CTNS: variants seen among roughly 807,000 people sequenced by gnomAD.
CTNS encodes cystinosin, lysosomal cystine transporter.
Under a neutral mutation model 43.7 loss-of-function variants are expected in CTNS, and 27 were observed. The observed-to-expected ratio is 0.62, with a 90% confidence interval of 0.46 to 0.85. The LOEUF (loss-of-function observed/expected upper bound fraction) is 0.85. Ranked by LOEUF, CTNS falls within the 40% of genes least tolerant of loss-of-function variation. The pLI is 0.00. For synonymous variants in CTNS, 187 were observed against 190.6 expected, an observed-to-expected ratio of 0.98 and a Z score of 0.16; for missense variants, 457 against 475.4, an observed-to-expected ratio of 0.96 and a Z score of 0.36.
chr17:3,648,237 G>A (rs908985685), intron 4 of CTNS, among the ~76,000 whole-genome samples: 3 of 152,054 alleles, frequency 2.0e-5, no homozygotes, highest in African/African-American at 4.8e-5. Context: ...CTGCCATTCC[G>A]CTCCCAGCTC....
chr17:3,656,805 G>A lies in CTNS; in HGVS notation c.681+10G>A. ...GTGCTGCCTGTATGAGGTGAGACCA[G>A]CCCTGGCCCCCCACAGGCCACCCCA... On this transcript the variant is annotated intron_variant, in intron 9 of 11. Transcript: ENST00000046640. The A allele has an allele frequency of 6.2e-7, 1 of 1,612,796 alleles. No homozygotes were observed.
At chr17:3,654,618 T>C (rs2076077707) in intron 5 of CTNS, among the ~76,000 whole-genome samples, 1 of 149,800 alleles carries the variant, frequency 6.7e-6, no homozygotes, top group East Asian at 2.0e-4. Flanking sequence ...GAGGCAGAGG[T>C]TGCAGTGAGC....
chr17:3,642,683 A>G (rs1379873404), intron 3 of CTNS, among the ~76,000 whole-genome samples: 1 of 152,012 alleles, frequency 6.6e-6, no homozygotes, highest in Non-Finnish European at 1.5e-5. Flanking sequence ...GCAATTCCCC[A>G]TCTCAAAAAG....
Position 3,662,180 on chromosome 17 carries a change from G to A in CTNS, c.*1811G>A, listed in dbSNP as rs141007377. On this transcript the variant is annotated 3_prime_UTR_variant, in exon 12 of 12. Transcript: ENST00000046640. Reference sequence around the variant, plus strand: ...ACAAAAATTAGCTGGGCATGGTGGCGGGCACCTGTAATCCCAGCTACTTGG... The same window carrying A: ...ACAAAAATTAGCTGGGCATGGTGGCAGGCACCTGTAATCCCAGCTACTTGG... Among the ~76,000 whole-genome samples the A allele has an allele frequency of 4.7e-3, 712 of 152,114 alleles. 7 individuals carry two copies. Among genetic ancestry groups the A allele is most frequent in the African/African-American group, 0.016 (679 of 41,500 alleles).
chr17:3,660,075 A>G, intron 11 of CTNS, 100 bp downstream of exon 11: 1 of 1,428,822 alleles, frequency 7.0e-7, no homozygotes, highest in Non-Finnish European at 9.8e-7. Context: ...CCCACCTGGG[A>G]TCCAAGCCAA....
chr17:3,655,215 T>C lies in CTNS; in HGVS notation c.330-6T>C, dbSNP rs2076098766. ...AGCTCATCCCGGTCCCCAAACTCCT[T>C]TCCAGCCCGAGGATACGCTTTCTTG... On this transcript the variant is annotated splice_region_variant and splice_polypyrimidine_tract_variant and intron_variant, in intron 6 of 11. Coordinates refer to ENST00000046640, the MANE Select transcript of CTNS (RefSeq NM_004937.3). 6.2e-7 allele frequency: 1 copy of C among 1,614,000 alleles called. No individual in the cohort carries two copies. The highest frequency in any genetic ancestry group is 8.5e-7 in the Non-Finnish European group (1 of 1,180,018).
Position 3,654,958 on chromosome 17 carries a change from CTG to C in CTNS, c.226-38_226-37del, listed in dbSNP as rs755884883. 42 of 1,450,894 alleles carry C rather than the reference CTG, an allele frequency of 2.9e-5. No homozygotes were observed. The East Asian group carries it at 9.1e-4, about 31-fold the overall frequency. The allele number at this position is 1,450,894 out of a possible 1,614,324, so 89.9% of individuals were successfully genotyped here. On this transcript the variant is annotated intron_variant, in intron 5 of 11. Coordinates refer to ENST00000046640, the MANE Select transcript of CTNS (RefSeq NM_004937.3). ...TAGATGCCAGCGGGGTCCTCGGTAA[CTG>C]TACGTGGCATCGGATTGAACCTCAG...
Position 3,655,369 on chromosome 17 carries a change from T to A in CTNS, c.461+17T>A, listed in dbSNP as rs371253182. On this transcript the variant is annotated intron_variant, in intron 7 of 11. Transcript: ENST00000046640. ...GCGGAAAAGGTAACCCCCTGGGCCG[T>A]ATGTGCAGGCTCTCTCGGGGCCCCT... 6.2e-7 allele frequency: 1 copy of A among 1,613,576 alleles called. No homozygotes were observed. Among genetic ancestry groups the A allele is most frequent in the African/African-American group, 1.3e-5 (1 of 74,912 alleles).
intron 2 of CTNS, among the ~76,000 whole-genome samples, chr17:3,637,527 C>T (rs1215596753): frequency 4.6e-5 from 7 of 150,838 alleles, no homozygotes; most frequent in Admixed American, 2.6e-4. Context: ...AGTGCAGTGG[C>T]GCGATCTCGG....
chr17:3,660,664 G>A lies in CTNS; in HGVS notation c.*295G>A. ...TCTGGCAGCCGTCTCAGGCAGGACT[G>A]GGCACCAAGCTTGCAGCCGAAGGCC... is the stretch of plus-strand genomic sequence containing the variant. On this transcript the variant is annotated 3_prime_UTR_variant, in exon 12 of 12. Coordinates refer to ENST00000046640, the MANE Select transcript of CTNS (RefSeq NM_004937.3). 1 of 1,613,638 alleles carries A rather than the reference G, an allele frequency of 6.2e-7. No homozygotes were observed. Among genetic ancestry groups the A allele is most frequent in the African/African-American group, 1.3e-5 (1 of 75,082 alleles).
At chr17:3,644,815 G>A (rs1296806104) in intron 3 of CTNS, among the ~76,000 whole-genome samples, 1 of 152,122 alleles carries the variant, frequency 6.6e-6, no homozygotes, top group East Asian at 1.9e-4. Context: ...TGGCTAGTCT[G>A]GTCTCCAAAT....
Position 3,640,271 on chromosome 17 carries a change from A to C in CTNS, c.61+4A>C. 6.2e-7 allele frequency: 1 copy of C among 1,613,594 alleles called. No individual in the cohort carries two copies. The highest frequency in any genetic ancestry group is 8.5e-7 in the Non-Finnish European group (1 of 1,179,470). On this transcript the variant is annotated splice_donor_region_variant and intron_variant, in intron 3 of 11. Transcript: ENST00000046640. ...CTGAAGCTCGTAGAGAAATGTGGTA[A>C]GTTTAGAAATGACACGTCAACTTTG...
intron 5 of CTNS, among the ~76,000 whole-genome samples, chr17:3,652,349 C>T (rs995643664): frequency 1.4e-4 from 22 of 152,006 alleles, no homozygotes; most frequent in Non-Finnish European, 2.6e-4. Flanking sequence ...CCCAGCACTT[C>T]GGGAGGCCGA....
At chr17:3,640,991 C>T (rs1209044746) in intron 3 of CTNS, among the ~76,000 whole-genome samples, 1 of 152,138 alleles carries the variant, frequency 6.6e-6, no homozygotes, top group Admixed American at 6.6e-5. Context: ...ACTGGGGAAG[C>T]AGAAGAGGTA....
chr17:3,662,338 T>C lies in CTNS; in HGVS notation c.*1969T>C, dbSNP rs541156683. ...AAAAAAAAAAAAAATTATTGACTTT[T>C]CTTTAAAATCTGATTTGGCAGTGCT... is the stretch of plus-strand genomic sequence containing the variant. On this transcript the variant is annotated 3_prime_UTR_variant, in exon 12 of 12. Transcript: ENST00000046640. 3.9e-5 allele frequency among the ~76,000 whole-genome samples: 6 copies of C among 152,126 alleles called. No homozygotes were observed. Among genetic ancestry groups the C allele is most frequent in the Admixed American group, 2.0e-4 (3 of 15,278 alleles).
rs2075983435 is a variant in CTNS at position 3,651,582 on chromosome 17, T to G, written c.225+2651T>G. Among the ~76,000 whole-genome samples, 4 of 152,308 alleles carry G rather than the reference T, an allele frequency of 2.6e-5. No individual in the cohort carries two copies. The South Asian group carries it at 8.3e-4, about 32-fold the overall frequency. ...CTTGGGAATGTTTCATTTCTTCATC[T>G]GGGAGCTGGATGCATTCAGTCTGTA... On this transcript the variant is annotated intron_variant, in intron 5 of 11. Coordinates refer to ENST00000046640, the MANE Select transcript of CTNS (RefSeq NM_004937.3).
At chr17:3,647,340 A>G (rs2075866649) in intron 3 of CTNS, 104 bp from the exon 4 acceptor site, 1 of 949,048 alleles carries the variant, frequency 1.1e-6, no homozygotes, top group African/African-American at 1.6e-5. Context: ...CTCGTCAGAG[A>G]GTCAGAGCTC....
At chr17:3,646,292 C>CT (rs35737682) in intron 3 of CTNS, among the ~76,000 whole-genome samples, 97,765 of 137,192 alleles carry the variant, frequency 0.71, 39,027 homozygotes, top group East Asian at 0.92. Context: ...GGTTTTCTTT[C>CT]TTTTTTTTTT....
intron 5 of CTNS, among the ~76,000 whole-genome samples, chr17:3,652,866 G>T (rs564667689): frequency 6.6e-6 from 1 of 152,310 alleles, no homozygotes; most frequent in South Asian, 2.1e-4. Context: ...ACGTAAGTTG[G>T]ACTCCAGGCT....
Sources: allele counts gnomAD v4.1 joint callset (sites outside exome capture counted in the v4.1 genomes callset), GRCh38; gene constraint gnomAD v4.1.1; transcripts MANE v1.5; gene names NCBI Gene and HGNC (gene_info 2026-07-23, HGNC 2026-07-21).